The following FNBP1 variants were observed in gnomAD, a reference collection of about 807,000 sequenced individuals.
The protein encoded by FNBP1 is formin binding protein 1.
FNBP1 carries 26 observed loss-of-function variants against 90.6 expected under a neutral mutation model. The ratio of observed to expected loss-of-function variants is 0.29; its 90% CI spans 0.21 to 0.40. FNBP1 has a LOEUF of 0.40. Among genes scored for constraint, FNBP1 ranks in the 10% least tolerant of loss-of-function variants. The probability of loss-of-function intolerance (pLI) is 1.00; values close to 1 mark genes in which losing one functional copy is unlikely to be tolerated. For missense variants in FNBP1, 635 were observed against 768.0 expected (o/e 0.83, Z 2.05); for synonymous variants, 260 against 265.2 (o/e 0.98, Z 0.19).
rs993182850 is a variant in FNBP1 at position 129,890,212 on chromosome 9, C to T, written c.*327G>A. On this transcript the variant is annotated 3_prime_UTR_variant, in exon 17 of 17. Coordinates refer to ENST00000446176, the MANE Select transcript of FNBP1 (RefSeq NM_015033.3). The surrounding 1 kb of genome is among the most constrained non-coding windows in gnomAD (Gnocchi z 5.8). ...CGCGGAAGGGCTGCCAGGACGAGCC[C>T]GGGTGGACTGAGGGCCCAGGAAGGA... 1.1e-5 allele frequency: 5 copies of T among 460,676 alleles called. No individual in the cohort carries two copies. Among genetic ancestry groups the T allele is most frequent in the East Asian group, 3.5e-5 (1 of 28,230 alleles). The allele number at this position is 460,676 out of a possible 1,614,324, so 28.5% of individuals were successfully genotyped here.
chr9:130,048,730 G>A, the FNBP1 span, among the ~76,000 whole-genome samples: 1 of 150,040 alleles, frequency 6.7e-6, no homozygotes, highest in Non-Finnish European at 1.5e-5. Context: ...CACCCGCCTC[G>A]TCCTCCCAAA....
intron 6 of FNBP1, among the ~76,000 whole-genome samples, chr9:129,953,839 G>C (rs1453917169): frequency 6.6e-6 from 1 of 150,842 alleles, no homozygotes; most frequent in Non-Finnish European, 1.5e-5. Context: ...GGTGGTGGGG[G>C]AAGAAGTTAA....
chr9:129,910,192 G>GAA (rs576071735), intron 11 of FNBP1: 438 of 456,194 alleles, frequency 9.6e-4, no homozygotes, highest in Non-Finnish European at 1.5e-3. Context: ...TAAAGAGAGA[G>GAA]AAATTTCGTG....
upstream of FNBP1, among the ~76,000 whole-genome samples, chr9:130,044,129 T>C (rs2060029052): frequency 2.0e-5 from 3 of 152,316 alleles, no homozygotes; most frequent in South Asian, 6.2e-4. Context: ...CTATGGAAAA[T>C]GTTTGGAATT....
At chr9:130,046,852 C>T (rs572853788), upstream of FNBP1, among the ~76,000 whole-genome samples, 3 of 151,696 alleles carry the variant, frequency 2.0e-5, no homozygotes, top group African/African-American at 4.8e-5. Flanking sequence ...CTCCTTCCCC[C>T]GTACTCCATA....
rs1287916623 is a variant in FNBP1, at chr9:129,966,002, C to A, written c.346-7449G>T. ...TTTTTAGATAGAGTGCCAGGGTGAT[C>A]ATCCCATGCTCACTGACATGCCCAC... is the stretch of plus-strand genomic sequence containing the variant. On this transcript the variant is annotated intron_variant, in intron 4 of 16. Coordinates refer to ENST00000446176, the MANE Select transcript of FNBP1 (RefSeq NM_015033.3). The surrounding 1 kb of genome is among the most constrained non-coding windows in gnomAD (Gnocchi z 4.3). Among the ~76,000 whole-genome samples, 3 of 152,152 alleles carry A rather than the reference C, an allele frequency of 2.0e-5. No individual in the cohort carries two copies. Among genetic ancestry groups the A allele is most frequent in the African/African-American group, 7.2e-5 (3 of 41,430 alleles).
rs917740693 is a variant in FNBP1, at chr9:129,966,663, C to T, written c.346-8110G>A. On this transcript the variant is annotated intron_variant, in intron 4 of 16. Coordinates refer to ENST00000446176, the MANE Select transcript of FNBP1 (RefSeq NM_015033.3). The surrounding 1 kb of genome is among the most constrained non-coding windows in gnomAD (Gnocchi z 4.3). Reference sequence around the variant, plus strand: ...AGGAGAATTGCTTGAACCTGGGTGACGGAGGTTGCAGTGAGCTGAGATCGC... The same window carrying T: ...AGGAGAATTGCTTGAACCTGGGTGATGGAGGTTGCAGTGAGCTGAGATCGC... Among the ~76,000 whole-genome samples, 6 of 152,014 alleles carry T rather than the reference C, an allele frequency of 3.9e-5. No homozygotes were observed. Among genetic ancestry groups the T allele is most frequent in the African/African-American group, 2.4e-5 (1 of 41,390 alleles).
At chr9:129,990,739 C>T (rs150405953) in intron 2 of FNBP1, among the ~76,000 whole-genome samples, 1,629 of 152,180 alleles carry the variant, frequency 0.011, 28 homozygotes, top group Non-Finnish European at 0.011. Context: ...AGTTAGTAGA[C>T]TCATCATAAC....
At chr9:130,035,055 A>G (rs2059186762) in intron 1 of FNBP1, among the ~76,000 whole-genome samples, 2 of 152,194 alleles carry the variant, frequency 1.3e-5, no homozygotes, top group Non-Finnish European at 2.9e-5. Context: ...AGGCTGAGGC[A>G]GGAGAATCAC....
At chr9:130,051,521 GT>G in the FNBP1 span, among the ~76,000 whole-genome samples, 3 of 152,128 alleles carry the variant, frequency 2.0e-5, no homozygotes, top group African/African-American at 7.2e-5. Flanking sequence ...ATCCTGAAAA[GT>G]TAGAGAAAAT....
At chr9:129,971,067 A>G (rs1439894732) in intron 4 of FNBP1, among the ~76,000 whole-genome samples, 1 of 148,850 alleles carries the variant, frequency 6.7e-6, no homozygotes, top group Non-Finnish European at 1.5e-5. Flanking sequence ...TTTTTTTTCT[A>G]TTTTTAGTAG....
intron 12 of FNBP1, among the ~76,000 whole-genome samples, chr9:129,908,204 CTTTT>C (rs60610339): frequency 2.9e-4 from 38 of 131,032 alleles, no homozygotes; most frequent in Admixed American, 3.1e-4. Context: ...GTCTCTCTCT[CTTTT>C]TTTTTTTTTT....
At chr9:129,965,653 G>C (rs887643475) in intron 4 of FNBP1, among the ~76,000 whole-genome samples, 7 of 151,290 alleles carry the variant, frequency 4.6e-5, no homozygotes, top group African/African-American at 1.7e-4. Flanking sequence ...GACCAGCCTG[G>C]GTAACATGGT....
chr9:129,945,005 A>T (rs1043212299), intron 6 of FNBP1, among the ~76,000 whole-genome samples: 1 of 152,186 alleles, frequency 6.6e-6, no homozygotes, highest in Non-Finnish European at 1.5e-5. Flanking sequence ...AAATAAATAC[A>T]TATATATTCA....
At chr9:129,978,873 C>T (rs2050758065) in intron 3 of FNBP1, among the ~76,000 whole-genome samples, 1 of 152,060 alleles carries the variant, frequency 6.6e-6, no homozygotes, top group South Asian at 2.1e-4. Flanking sequence ...AAGATATAAT[C>T]CAAAATTCAT....
At position 129,890,627 on chromosome 9, in the gene FNBP1, G is replaced by C; in HGVS notation, c.1847-81C>G. 1.1e-6 allele frequency: 1 copy of C among 923,336 alleles called. No homozygotes were observed. The highest frequency in any genetic ancestry group is 1.6e-6 in the Non-Finnish European group (1 of 628,220). 57.2% of individuals were successfully genotyped at this position (923,336 alleles called of 1,614,324 possible). ...GTTCCAGGCGGGCATTTTGCTCTTG[G>C]CTACAAACTGCACCGCCCTGGGAGG... On this transcript the variant is annotated intron_variant, in intron 16 of 16. Transcript: ENST00000446176. This position sits in a 1 kb window ranked among gnomAD's most constrained non-coding sequence, Gnocchi z 5.8.
Position 129,957,337 on chromosome 9 carries a change from C to A in FNBP1, c.513+23G>T. On this transcript the variant is annotated intron_variant, in intron 6 of 16. Coordinates refer to ENST00000446176, the MANE Select transcript of FNBP1 (RefSeq NM_015033.3). The surrounding 1 kb of genome is among the most constrained non-coding windows in gnomAD (Gnocchi z 4.3). ...ACAGGCGTGAGCCACCGTGCCCGGC[C>A]CACACTTGAGCTTTCACCTCACCTT... 4 of 1,559,528 alleles carry A rather than the reference C, an allele frequency of 2.6e-6. No homozygotes were observed. Among genetic ancestry groups the A allele is most frequent in the Non-Finnish European group, 3.5e-6 (4 of 1,131,824 alleles).
chr9:129,952,460 T>C (rs1452878358), intron 6 of FNBP1, among the ~76,000 whole-genome samples: 1 of 152,030 alleles, frequency 6.6e-6, no homozygotes, highest in Non-Finnish European at 1.5e-5. Context: ...ATCATGCCAC[T>C]GCACTCTAGC....
chr9:129,889,084 G>GGT lies in FNBP1; in HGVS notation c.*1454_*1455insAC, dbSNP rs869153440. ...GCTGCTCTGCTCTAAGGCGTGGCGG[G>GGT]GGGGGGGGGTGGTGGCCACAGATTA... On this transcript the variant is annotated 3_prime_UTR_variant, in exon 17 of 17. Coordinates refer to ENST00000446176, the MANE Select transcript of FNBP1 (RefSeq NM_015033.3). 2.6e-4 allele frequency: 7 copies of GGT among 27,402 alleles called. No homozygotes were observed. Among genetic ancestry groups the GGT allele is most frequent in the Non-Finnish European group, 3.2e-4 (5 of 15,558 alleles). The allele number at this position is 27,402 out of a possible 1,614,324, so 1.7% of individuals were successfully genotyped here.
Sources: allele counts gnomAD v4.1 joint callset (sites outside exome capture counted in the v4.1 genomes callset), GRCh38; gene constraint gnomAD v4.1.1; non-coding constraint Gnocchi (gnomAD v3.1); transcripts MANE v1.5; gene names NCBI Gene and HGNC (gene_info 2026-07-23, HGNC 2026-07-21).